RPS6KA1: variants seen among roughly 807,000 people sequenced by gnomAD.
The protein encoded by RPS6KA1 is ribosomal protein S6 kinase alpha-1.
In RPS6KA1, 48 loss-of-function variants were observed where a neutral mutation model predicts 91.3. The observed-to-expected ratio is 0.53, with a 90% confidence interval of 0.42 to 0.67. The LOEUF (loss-of-function observed/expected upper bound fraction) is 0.67, where lower values mean the gene tolerates loss of function less well. Among genes scored for constraint, RPS6KA1 ranks in the 30% least tolerant of loss-of-function variants. RPS6KA1 has a pLI of 0.00. For synonymous variants in RPS6KA1, 359 were observed against 384.7 expected (o/e 0.93, Z 0.78); for missense variants, 719 against 960.5 (o/e 0.75, Z 3.32).
At position 26,554,830 on chromosome 1, in the gene RPS6KA1, C is replaced by A. The variant is rs1011623714; in HGVS notation, c.756+92C>A. On this transcript the variant is annotated intron_variant, in intron 9 of 21. Transcript: ENST00000374168. The surrounding 1 kb of genome is among the most constrained non-coding windows in gnomAD (Gnocchi z 4.6). Reference sequence around the variant, plus strand: ...GTGAGGGGGTTGATCATTTCTAGGGCTCTCCCCGTCTCCTCTCACAGCCAA... The same window carrying A: ...GTGAGGGGGTTGATCATTTCTAGGGATCTCCCCGTCTCCTCTCACAGCCAA... 4.1e-6 allele frequency: 6 copies of A among 1,453,938 alleles called. No homozygotes were observed. The South Asian group carries it at 8.1e-5, about 20-fold the overall frequency. 90.1% of individuals were successfully genotyped at this position (1,453,938 alleles called of 1,614,324 possible).
chr1:26,536,206 C>T (rs2075905364), intron 1 of RPS6KA1, among the ~76,000 whole-genome samples: 1 of 151,768 alleles, frequency 6.6e-6, no homozygotes, highest in Non-Finnish European at 1.5e-5. Context: ...GGCACTGAGC[C>T]CAGTGCCTGC....
chr1:26,565,624 G>A (rs1570458625), intron 17 of RPS6KA1, among the ~76,000 whole-genome samples: 1 of 151,082 alleles, frequency 6.6e-6, no homozygotes, highest in African/African-American at 2.4e-5. Flanking sequence ...GCAATGGCAT[G>A]GTCTTTGGCT....
intron 20 of RPS6KA1, 117 bp from the exon 21 acceptor site, chr1:26,573,107 G>C (rs1234746987): frequency 1.8e-6 from 2 of 1,087,322 alleles, no homozygotes. Context: ...ATGGATCCCA[G>C]GGGCTGCCGC....
At position 26,554,829 on chromosome 1, in the gene RPS6KA1, G is replaced by C; in HGVS notation, c.756+91G>C. ...AGTGAGGGGGTTGATCATTTCTAGGGCTCTCCCCGTCTCCTCTCACAGCCA... is the reference window on the plus strand; with the variant it reads ...AGTGAGGGGGTTGATCATTTCTAGGCCTCTCCCCGTCTCCTCTCACAGCCA... On this transcript the variant is annotated intron_variant, in intron 9 of 21. Coordinates refer to ENST00000374168, the MANE Select transcript of RPS6KA1 (RefSeq NM_002953.4). This position sits in a 1 kb window ranked among gnomAD's most constrained non-coding sequence, Gnocchi z 4.6. The C allele has an allele frequency of 6.8e-7, 1 of 1,472,482 alleles. No individual in the cohort carries two copies. 91.2% of individuals were successfully genotyped at this position (1,472,482 alleles called of 1,614,324 possible). A position where few individuals can be genotyped will look rare whatever the true frequency, so the allele number is the denominator to read the frequency against.
chr1:26,555,655 G>A lies in RPS6KA1; in HGVS notation c.916+30G>A, dbSNP rs755974180. 2.6e-6 allele frequency: 4 copies of A among 1,561,832 alleles called. No homozygotes were observed. In the East Asian group the frequency reaches 7.1e-5, roughly 28 times the overall value. On this transcript the variant is annotated intron_variant, in intron 11 of 21. Coordinates refer to ENST00000374168, the MANE Select transcript of RPS6KA1 (RefSeq NM_002953.4). This position sits in a 1 kb window ranked among gnomAD's most constrained non-coding sequence, Gnocchi z 4.3. ...GCAGCCCCAGCTCAGGGGAGGGGAT[G>A]TGGCGATGGGGAGCCGGGTACAGCT...
At position 26,561,591 on chromosome 1, in the gene RPS6KA1, C is replaced by G. The variant is rs1164163510; in HGVS notation, c.1518C>G (p.Phe506Leu). The change falls in exon 17 of 22, where the codon TTC becomes TTG. Residue 506 changes from phenylalanine (F) to leucine (L), a missense_variant. Physicochemically the swap from Phe to Leu is conservative, Grantham distance 22. Coordinates refer to ENST00000374168, the MANE Select transcript of RPS6KA1 (RefSeq NM_002953.4). The surrounding 1 kb of genome is among the most constrained non-coding windows in gnomAD (Gnocchi z 5.7). ...TGGACAAGATCCTGCGGCAGAAGTT[C>G]TTCTCAGAGCGGGAGGCCAGCTTTG... The part of the protein sequence containing the change: ...ELLDKILRQK[F>L]FSEREASFVL... 4.3e-6 allele frequency: 7 copies of G among 1,614,068 alleles called. No homozygotes were observed. The highest frequency in any genetic ancestry group is 5.9e-6 in the Non-Finnish European group (7 of 1,179,962).
intron 1 of RPS6KA1, chr1:26,530,595 C>A: frequency 2.6e-6 from 1 of 379,574 alleles, no homozygotes; most frequent in Non-Finnish European, 4.7e-6. Context: ...AGCCCTTAGA[C>A]CTTGTGAAGA....
At position 26,551,313 on chromosome 1, in the gene RPS6KA1, G is replaced by A. The variant is rs982839870; in HGVS notation, c.308-84G>A. ...GGAGCTCAGGCCTGGAGGAACAAGT[G>A]GAAAAGAGATCCCTTAGCGGGGGCT... is the stretch of plus-strand genomic sequence containing the variant. On this transcript the variant is annotated intron_variant, in intron 4 of 21. Coordinates refer to ENST00000374168, the MANE Select transcript of RPS6KA1 (RefSeq NM_002953.4). The surrounding 1 kb of genome is among the most constrained non-coding windows in gnomAD (Gnocchi z 4.5). 12 of 1,233,622 alleles carry A rather than the reference G, an allele frequency of 9.7e-6. No homozygotes were observed. The African/African-American group carries it at 1.6e-4, about 17-fold the overall frequency. 76.4% of individuals were successfully genotyped at this position (1,233,622 alleles called of 1,614,324 possible).
chr1:26,538,631 T>C (rs1484200440), intron 2 of RPS6KA1, among the ~76,000 whole-genome samples: 2 of 152,266 alleles, frequency 1.3e-5, no homozygotes, highest in African/African-American at 4.8e-5. Context: ...TCCTTGGAGG[T>C]AGATTGTTAC....
intron 2 of RPS6KA1, among the ~76,000 whole-genome samples, chr1:26,539,859 G>A (rs554195879): frequency 7.0e-4 from 106 of 152,268 alleles, no homozygotes; most frequent in Non-Finnish European, 9.1e-4. Context: ...AGCTATCTCC[G>A]GAGCTGGACC....
chr1:26,572,634 C>T (rs282177), intron 20 of RPS6KA1, among the ~76,000 whole-genome samples: 56,153 of 151,916 alleles, frequency 0.37, 11,638 homozygotes, highest in East Asian at 0.77. Context: ...GATAGGCGGA[C>T]GCTCTTGGCC....
Position 26,558,678 on chromosome 1 carries a change from C to T in RPS6KA1, c.1085-129C>T. 1.9e-6 allele frequency: 2 copies of T among 1,075,530 alleles called. No homozygotes were observed. Among genetic ancestry groups the T allele is most frequent in the Non-Finnish European group, 2.7e-6 (2 of 733,206 alleles). The allele number at this position is 1,075,530 out of a possible 1,614,324, so 66.6% of individuals were successfully genotyped here. ...GGCCAAGGCCTGTGATGGACAGGCC[C>T]TCTGCAGGCTCCCGCCACGGCCAGC... On this transcript the variant is annotated intron_variant, in intron 13 of 21. Transcript: ENST00000374168. The surrounding 1 kb of genome is among the most constrained non-coding windows in gnomAD (Gnocchi z 4.0).
chr1:26,535,338 G>A (rs1291699669), intron 1 of RPS6KA1, among the ~76,000 whole-genome samples: 27 of 152,034 alleles, frequency 1.8e-4, no homozygotes, highest in Non-Finnish European at 8.8e-5. Flanking sequence ...TATGTAATGG[G>A]TAGAGCACAG....
chr1:26,545,629 G>A (rs949856193), intron 2 of RPS6KA1, among the ~76,000 whole-genome samples: 2 of 152,318 alleles, frequency 1.3e-5, no homozygotes, highest in South Asian at 4.1e-4. Context: ...AGCTGCATTG[G>A]CAGGGGACTT....
intron 6 of RPS6KA1, chr1:26,553,045 TA>T (rs1268207163): frequency 1.7e-4 from 43 of 260,306 alleles, no homozygotes; most frequent in Non-Finnish European, 3.0e-4. Flanking sequence ...CAAGATAGTA[TA>T]TCTTGGAGCT....
Position 26,551,026 on chromosome 1 carries a change from G to T in RPS6KA1, c.308-371G>T, listed in dbSNP as rs548705536. Among the ~76,000 whole-genome samples, 1 of 152,254 alleles carries T rather than the reference G, an allele frequency of 6.6e-6. No homozygotes were observed. The highest frequency in any genetic ancestry group is 2.1e-4 in the South Asian group (1 of 4,818). On this transcript the variant is annotated intron_variant, in intron 4 of 21. Transcript: ENST00000374168. This position sits in a 1 kb window ranked among gnomAD's most constrained non-coding sequence, Gnocchi z 4.5. ...AGCAGAGCTGGTGAAGGCATGCCAG[G>T]GGGAGGTGCAGAGGCAAAGTCTGAG...
chr1:26,555,143 C>G lies in RPS6KA1; in HGVS notation c.757-8C>G. ...ATCAGAGCCTGAATAGATCCTTGTCCTCTGCAGTTTGAGATGCTGACGGGC... is the reference window on the plus strand; with the variant it reads ...ATCAGAGCCTGAATAGATCCTTGTCGTCTGCAGTTTGAGATGCTGACGGGC... On this transcript the variant is annotated splice_polypyrimidine_tract_variant and splice_region_variant and intron_variant, in intron 9 of 21. Transcript: ENST00000374168. This position sits in a 1 kb window ranked among gnomAD's most constrained non-coding sequence, Gnocchi z 4.3. 2 of 1,613,882 alleles carry G rather than the reference C, an allele frequency of 1.2e-6. No homozygotes were observed. The highest frequency in any genetic ancestry group is 1.7e-6 in the Non-Finnish European group (2 of 1,179,806).
chr1:26,538,736 A>G (rs1269861114), intron 2 of RPS6KA1, among the ~76,000 whole-genome samples: 1 of 152,150 alleles, frequency 6.6e-6, no homozygotes, highest in African/African-American at 2.4e-5. Context: ...GTCATTCCTC[A>G]TAGTCCAGAG....
chr1:26,561,591 C>T lies in RPS6KA1; in HGVS notation c.1518C>T (p.Phe506=), dbSNP rs1164163510. ...TGGACAAGATCCTGCGGCAGAAGTT[C>T]TTCTCAGAGCGGGAGGCCAGCTTTG... The part of the protein sequence containing the change: ...ELLDKILRQK[F]FSEREASFVL... Residue 506 remains phenylalanine (F), a synonymous_variant, in exon 17 of 22, where the codon TTC becomes TTT. Coordinates refer to ENST00000374168, the MANE Select transcript of RPS6KA1 (RefSeq NM_002953.4). The surrounding 1 kb of genome is among the most constrained non-coding windows in gnomAD (Gnocchi z 5.7). The T allele has an allele frequency of 6.2e-7, 1 of 1,614,068 alleles. No individual in the cohort carries two copies. Among genetic ancestry groups the T allele is most frequent in the Non-Finnish European group, 8.5e-7 (1 of 1,179,962 alleles).
Sources: allele counts gnomAD v4.1 joint callset (sites outside exome capture counted in the v4.1 genomes callset), GRCh38; gene constraint gnomAD v4.1.1; non-coding constraint Gnocchi (gnomAD v3.1); transcripts MANE v1.5; gene names NCBI Gene and HGNC (gene_info 2026-07-23, HGNC 2026-07-21).